The following SGCZ variants were observed in gnomAD, a reference collection of about 807,000 sequenced individuals.
SGCZ encodes the protein sarcoglycan zeta.
SGCZ carries 40 observed loss-of-function variants against 41.3 expected under a neutral mutation model. That is an observed-to-expected ratio of 0.97 (90% CI 0.75 to 1.26). SGCZ has a LOEUF of 1.26. Among genes scored for constraint, SGCZ ranks in the 50% most tolerant of loss-of-function variants. The pLI is 0.00. For missense variants in SGCZ, 552 were observed against 369.8 expected (o/e 1.49, Z -4.04); for synonymous variants, 206 against 137.5 (o/e 1.50, Z -3.49).
At chr8:14,620,321 A>G (rs1206638725) in intron 1 of SGCZ, among the ~76,000 whole-genome samples, 1 of 152,192 alleles carries the variant, frequency 6.6e-6, no homozygotes, top group Non-Finnish European at 1.5e-5. Flanking sequence ...TGTTAGACCT[A>G]AAACCATAAA....
At chr8:14,976,494 T>G (rs1337676978) in intron 1 of SGCZ, among the ~76,000 whole-genome samples, 1 of 152,176 alleles carries the variant, frequency 6.6e-6, no homozygotes, top group African/African-American at 2.4e-5. Flanking sequence ...GTTAGATGTA[T>G]TTTACAAGTT....
At chr8:14,542,045 G>A (rs907595799) in intron 2 of SGCZ, among the ~76,000 whole-genome samples, 2 of 151,974 alleles carry the variant, frequency 1.3e-5, no homozygotes, top group Non-Finnish European at 2.9e-5. Flanking sequence ...TTTGTCAGAT[G>A]GACAGATTGC....
At chr8:14,398,272 A>T (rs892539331) in intron 2 of SGCZ, among the ~76,000 whole-genome samples, 3 of 152,136 alleles carry the variant, frequency 2.0e-5, no homozygotes. Flanking sequence ...CTCAGCTTTG[A>T]AATGAGAACA....
intron 3 of SGCZ, among the ~76,000 whole-genome samples, chr8:14,304,141 T>C (rs1486042145): frequency 6.6e-6 from 1 of 152,152 alleles, no homozygotes; most frequent in African/African-American, 2.4e-5. Flanking sequence ...AGCATTCCTA[T>C]TTTCAAATGA....
chr8:14,459,819 G>T (rs1008463800), intron 2 of SGCZ, among the ~76,000 whole-genome samples: 15 of 151,998 alleles, frequency 9.9e-5, no homozygotes, highest in Admixed American at 7.9e-4. Flanking sequence ...GAACATAAAC[G>T]CAATATAATC....
intron 4 of SGCZ, among the ~76,000 whole-genome samples, chr8:14,232,023 G>A (rs1279034985): frequency 6.6e-6 from 1 of 151,754 alleles, no homozygotes; most frequent in South Asian, 2.1e-4. Flanking sequence ...TCACAACATG[G>A]ATGCTATTAT....
chr8:14,607,074 T>C (rs1408716335), intron 1 of SGCZ, among the ~76,000 whole-genome samples: 1 of 152,160 alleles, frequency 6.6e-6, no homozygotes, highest in East Asian at 1.9e-4. Flanking sequence ...CAATGGCTCA[T>C]CTATTCATTG....
chr8:14,990,284 T>C (rs978840670), intron 1 of SGCZ, among the ~76,000 whole-genome samples: 1 of 152,136 alleles, frequency 6.6e-6, no homozygotes, highest in Non-Finnish European at 1.5e-5. Flanking sequence ...ACCCTGCATA[T>C]ACCACATCCC....
intron 2 of SGCZ, among the ~76,000 whole-genome samples, chr8:14,493,355 C>CTTTT (rs1563365484): frequency 1.5e-5 from 1 of 66,242 alleles, no homozygotes; most frequent in African/African-American, 6.0e-5. Context: ...CACTATCATC[C>CTTTT]TTTCTTTTTT....
chr8:14,108,120 C>A, intron 6 of SGCZ, 43 bp downstream of exon 6: 1 of 1,566,588 alleles, frequency 6.4e-7, no homozygotes, highest in East Asian at 2.2e-5. Context: ...GGATTATCAA[C>A]AATGATGGAT....
rs570998730 is a variant in SGCZ at position 14,232,814 on chromosome 8, A to T, written c.424+4778T>A. Among the ~76,000 whole-genome samples, 19 of 152,188 alleles carry T rather than the reference A, an allele frequency of 1.2e-4. No homozygotes were observed. In the South Asian group the frequency reaches 3.1e-3, roughly 25 times the overall value. On this transcript the variant is annotated intron_variant, in intron 4 of 7. Coordinates refer to ENST00000382080, the MANE Select transcript of SGCZ (RefSeq NM_139167.4). ...ATTCATTCTTCCAAATTTATTGAGC[A>T]TTAAACAAGGATACCTATGATGAAA...
At chr8:14,473,174 T>G in intron 2 of SGCZ, among the ~76,000 whole-genome samples, 1 of 152,296 alleles carries the variant, frequency 6.6e-6, no homozygotes, top group East Asian at 1.9e-4. Flanking sequence ...TTCCCATACT[T>G]ATTAAAATGT....
intron 1 of SGCZ, among the ~76,000 whole-genome samples, chr8:14,814,592 G>T (rs1801840910): frequency 6.6e-6 from 1 of 152,120 alleles, no homozygotes; most frequent in Non-Finnish European, 1.5e-5. Context: ...TTGTTATTTG[G>T]CCCTACTTAA....
chr8:14,095,084 A>C (rs1474893855), intron 7 of SGCZ, among the ~76,000 whole-genome samples: 1 of 151,800 alleles, frequency 6.6e-6, no homozygotes, highest in African/African-American at 2.4e-5. Flanking sequence ...TTGCCTATTC[A>C]CTCTGATGAT....
chr8:14,410,427 T>C (rs1219504051), intron 2 of SGCZ, among the ~76,000 whole-genome samples: 1 of 151,852 alleles, frequency 6.6e-6, no homozygotes, highest in Non-Finnish European at 1.5e-5. Flanking sequence ...AAGGCTGATT[T>C]TCAATGACCC....
chr8:15,104,973 G>A (rs1217306834), intron 1 of SGCZ, among the ~76,000 whole-genome samples: 1 of 152,098 alleles, frequency 6.6e-6, no homozygotes, highest in Non-Finnish European at 1.5e-5. Flanking sequence ...TGTCATCAAA[G>A]GGTTTGTATA....
At chr8:14,713,243 CAA>C (rs1381578897) in intron 1 of SGCZ, among the ~76,000 whole-genome samples, 3 of 152,120 alleles carry the variant, frequency 2.0e-5, no homozygotes, top group Non-Finnish European at 4.4e-5. Flanking sequence ...CCAAGCGTAT[CAA>C]AGTTAGACAA....
chr8:14,405,670 T>G (rs1324952357), intron 2 of SGCZ, among the ~76,000 whole-genome samples: 1 of 152,202 alleles, frequency 6.6e-6, no homozygotes. Flanking sequence ...TTCTGTGTTT[T>G]GTGACCATAT....
intron 2 of SGCZ, among the ~76,000 whole-genome samples, chr8:14,346,131 A>G (rs1802884213): frequency 6.6e-6 from 1 of 152,030 alleles, no homozygotes; most frequent in African/African-American, 2.4e-5. Context: ...ATCAGTATTG[A>G]CTCATCAGTT....
Sources: gnomAD v4.1 joint callset for allele counts (sites outside exome capture counted in the v4.1 genomes callset) on GRCh38, gnomAD v4.1.1 for gene constraint, MANE v1.5 for transcripts, NCBI Gene and HGNC (gene_info 2026-07-23, HGNC 2026-07-21) for gene names.